The following VPS41 variants were observed in gnomAD, a reference collection of about 807,000 sequenced individuals.
The protein encoded by VPS41 is VPS41 subunit of HOPS complex, also known as vacuolar protein sorting-associated protein 41 homolog.
A neutral mutation model predicts 130.9 loss-of-function variants in VPS41; 85 were observed. That is an observed-to-expected ratio of 0.65 (90% CI 0.55 to 0.78). The LOEUF (loss-of-function observed/expected upper bound fraction) is 0.78, where lower values mean the gene tolerates loss of function less well. VPS41 is among the 30% of genes least tolerant of loss of function. The pLI, the probability that VPS41 is intolerant of heterozygous loss-of-function variation, is 0.00. For synonymous variants in VPS41, 335 were observed against 332.9 expected, an observed-to-expected ratio of 1.01 and a Z score of -0.07; for missense variants, 874 against 1,018.7, an observed-to-expected ratio of 0.86 and a Z score of 1.93.
intron 7 of VPS41, among the ~76,000 whole-genome samples, chr7:38,811,209 A>T (rs541716311): frequency 6.6e-6 from 1 of 152,210 alleles, no homozygotes; most frequent in East Asian, 1.9e-4. Flanking sequence ...CAAACAAAAC[A>T]CGCTAATGTC....
rs2116337719 is a variant in VPS41, at chr7:38,869,163, T to C, written c.151A>G (p.Met51Val). The C allele has an allele frequency of 1.2e-6, 2 of 1,603,774 alleles. No individual in the cohort carries two copies. Among genetic ancestry groups the C allele is most frequent in the African/African-American group, 1.3e-5 (1 of 74,714 alleles). ...EILQKDAASC[M>V]TVHDKFLALG... ...TATCTTACCTTGTCATGGACTGTCA[T>C]GCAGCTAGCTGCATCCTTCTGAAGT... The change falls in exon 3 of 29, where the codon ATG becomes GTG. Residue 51 changes from methionine (M) to valine (V), a missense_variant. Transcript: ENST00000310301.
chr7:38,844,011 T>C (rs1198173395), intron 4 of VPS41, among the ~76,000 whole-genome samples: 1 of 152,268 alleles, frequency 6.6e-6, no homozygotes, highest in Non-Finnish European at 1.5e-5. Flanking sequence ...TCTATTTATA[T>C]GTATAAGCAA....
chr7:38,743,558 A>G lies in VPS41; in HGVS notation c.1982-16T>C. ...CCCATTCGGCCTTGGTGGGGTGAAG[A>G]TGGGAGAAAGAGTTCATTTAAGGTA... On this transcript the variant is annotated splice_polypyrimidine_tract_variant and intron_variant, in intron 23 of 28. Transcript: ENST00000310301. 1 of 1,612,000 alleles carries G rather than the reference A, an allele frequency of 6.2e-7. No homozygotes were observed. Among genetic ancestry groups the G allele is most frequent in the Non-Finnish European group, 8.5e-7 (1 of 1,178,768 alleles).
rs75982185 is a variant in VPS41, at chr7:38,892,539, C to T, written c.60+5552G>A. 1.4e-3 allele frequency among the ~76,000 whole-genome samples: 212 copies of T among 152,168 alleles called. No homozygotes were observed. In the East Asian group the frequency reaches 0.038, roughly 28 times the overall value. On this transcript the variant is annotated intron_variant, in intron 2 of 28. Transcript: ENST00000310301. ...CATTACATCTTTGCTCCAAAGGGGG[C>T]CCAGACCTGCCTCTAACAAGCAGTA... is the stretch of plus-strand genomic sequence containing the variant.
intron 7 of VPS41, among the ~76,000 whole-genome samples, chr7:38,815,154 T>C (rs1247836161): frequency 6.6e-6 from 1 of 152,216 alleles, no homozygotes; most frequent in East Asian, 1.9e-4. Flanking sequence ...CCAGGCATGG[T>C]GGCTCATGCC....
intron 2 of VPS41, among the ~76,000 whole-genome samples, chr7:38,873,864 G>A (rs1786428970): frequency 6.6e-6 from 1 of 152,158 alleles, no homozygotes; most frequent in African/African-American, 2.4e-5. Context: ...TTGGACTTAG[G>A]AGGAGGGAAA....
intron 4 of VPS41, among the ~76,000 whole-genome samples, chr7:38,860,776 T>A (rs1169352067): frequency 6.6e-6 from 1 of 151,746 alleles, no homozygotes; most frequent in African/African-American, 2.4e-5. Context: ...TTGTTGAATA[T>A]GTACTTAGGA....
intron 2 of VPS41, among the ~76,000 whole-genome samples, chr7:38,889,742 G>C (rs1484634556): frequency 6.6e-6 from 1 of 152,086 alleles, no homozygotes; most frequent in Non-Finnish European, 1.5e-5. Context: ...AAAAGGCTTA[G>C]AACTTCAAAA....
rs958952764 is a variant in VPS41 at position 38,806,730 on chromosome 7, A to G, written c.451-9866T>C. On this transcript the variant is annotated intron_variant, in intron 7 of 28. Transcript: ENST00000310301. ...TTTATTTCTACAGAAAAGGATAATCAGACCATACATATATTTTAGAAAAGT... is the reference window on the plus strand; with the variant it reads ...TTTATTTCTACAGAAAAGGATAATCGGACCATACATATATTTTAGAAAAGT... Among the ~76,000 whole-genome samples, 5 of 152,230 alleles carry G rather than the reference A, an allele frequency of 3.3e-5. No individual in the cohort carries two copies. The East Asian group carries it at 5.8e-4, about 18-fold the overall frequency.
chr7:38,758,415 C>A lies in VPS41; in HGVS notation c.1489G>T (p.Val497Phe). 6.2e-7 allele frequency: 1 copy of A among 1,613,440 alleles called. No homozygotes were observed. The highest frequency in any genetic ancestry group is 8.5e-7 in the Non-Finnish European group (1 of 1,179,570). The change falls in exon 18 of 29, where the codon GTT becomes TTT. Residue 497 changes from valine to phenylalanine, a missense_variant. Transcript: ENST00000310301. ...CTATCTTTCTTCAAATGATCCCGAA[C>A]TGCTTGAACTATGACTGAATTATTA... is the stretch of plus-strand genomic sequence containing the variant. ...LYNNSVIVQA[V>F]RDHLKKDSQN... is the part of the protein sequence containing the mutation.
At chr7:38,860,517 T>A (rs955393578) in intron 4 of VPS41, among the ~76,000 whole-genome samples, 9 of 152,152 alleles carry the variant, frequency 5.9e-5, no homozygotes, top group Admixed American at 5.2e-4. Flanking sequence ...ATAGAAGTTA[T>A]CAAACAACAT....
chr7:38,866,808 A>G (rs1370263511), intron 3 of VPS41, among the ~76,000 whole-genome samples: 1 of 152,232 alleles, frequency 6.6e-6, no homozygotes. Flanking sequence ...GGAAAGTGAA[A>G]GAAACAGAAA....
intron 2 of VPS41, among the ~76,000 whole-genome samples, chr7:38,894,276 A>T (rs1468965812): frequency 6.6e-6 from 1 of 152,116 alleles, no homozygotes; most frequent in Non-Finnish European, 1.5e-5. Flanking sequence ...GAGTAAAAAA[A>T]CTCCAAAGTC....
intron 5 of VPS41, among the ~76,000 whole-genome samples, chr7:38,824,235 C>A (rs1001081826): frequency 2.0e-5 from 3 of 152,176 alleles, no homozygotes; most frequent in Non-Finnish European, 2.9e-5. Flanking sequence ...TAACTTACAT[C>A]CCTAAATGTG....
Position 38,743,386 on chromosome 7 carries a change from TG to T in VPS41, c.2122+15del. On this transcript the variant is annotated intron_variant, in intron 24 of 28. Transcript: ENST00000310301. ...GAGAAAAAAAAGTTATAACCAGAGATGGCTTTTATGCTTACGTGGTTTGTCA... is the reference window on the plus strand; with the variant it reads ...GAGAAAAAAAAGTTATAACCAGAGATGCTTTTATGCTTACGTGGTTTGTCA... 1 of 1,613,630 alleles carries T rather than the reference TG, an allele frequency of 6.2e-7. No individual in the cohort carries two copies. The highest frequency in any genetic ancestry group is 8.5e-7 in the Non-Finnish European group (1 of 1,179,664).
At position 38,832,682 on chromosome 7, in the gene VPS41, T is replaced by C. The variant is rs116103744; in HGVS notation, c.247-2354A>G. ...TTTTGAGATCAAATGACCCCAATGT[T>C]GCTAAACATAATGGTCCTTGTTCAA... On this transcript the variant is annotated intron_variant, in intron 4 of 28. Transcript: ENST00000310301. Among the ~76,000 whole-genome samples, 1,365 of 152,322 alleles carry C rather than the reference T, an allele frequency of 9.0e-3. 27 individuals carry two copies. The highest frequency in any genetic ancestry group is 0.03 in the African/African-American group (1,261 of 41,558).
chr7:38,865,419 A>G (rs1380473931), intron 3 of VPS41, among the ~76,000 whole-genome samples: 7 of 145,004 alleles, frequency 4.8e-5, no homozygotes, highest in African/African-American at 8.1e-5. Flanking sequence ...TCACTGGTTC[A>G]TTCAACAAAC....
rs569031551 is a variant in VPS41 at position 38,808,877 on chromosome 7, C to T, written c.450+8940G>A. On this transcript the variant is annotated intron_variant, in intron 7 of 28. Coordinates refer to ENST00000310301, the MANE Select transcript of VPS41 (RefSeq NM_014396.4). Reference sequence around the variant, plus strand: ...ATGGCAGTGGTAAGAAAAGGCTCACCGGATTATCTAGATTCTAAAAAGATT... The same window carrying T: ...ATGGCAGTGGTAAGAAAAGGCTCACTGGATTATCTAGATTCTAAAAAGATT... Among the ~76,000 whole-genome samples, 7 of 152,258 alleles carry T rather than the reference C, an allele frequency of 4.6e-5. No individual in the cohort carries two copies. In the East Asian group the frequency reaches 9.7e-4, roughly 21 times the overall value.
At chr7:38,779,797 G>A (rs1193319930) in intron 10 of VPS41, among the ~76,000 whole-genome samples, 1 of 152,124 alleles carries the variant, frequency 6.6e-6, no homozygotes, top group East Asian at 1.9e-4. Flanking sequence ...AAGAAATGTT[G>A]AATGACAATA....
Sources: allele counts gnomAD v4.1 joint callset (sites outside exome capture counted in the v4.1 genomes callset), GRCh38; gene constraint gnomAD v4.1.1; transcripts MANE v1.5; gene names NCBI Gene and HGNC (gene_info 2026-07-23, HGNC 2026-07-21).